Variants in UFL1 observed in about 807,000 individuals in gnomAD.
The protein encoded by UFL1 is E3 UFM1-protein ligase 1.
UFL1 carries 78 observed loss-of-function variants against 99.3 expected under a neutral mutation model. The ratio of observed to expected loss-of-function variants is 0.79; its 90% CI spans 0.65 to 0.95. The LOEUF is 0.95. Among genes scored for constraint, UFL1 ranks in the 40% least tolerant of loss-of-function variants. UFL1 has a pLI of 0.00. For synonymous variants in UFL1, 335 were observed against 322.2 expected (o/e 1.04, Z -0.42); for missense variants, 936 against 937.0 (o/e 1.00, Z 0.01).
At chr6:96,523,441 T>C in intron 2 of UFL1, 150 bp downstream of exon 2, 2 of 840,244 alleles carry the variant, frequency 2.4e-6, no homozygotes, top group Non-Finnish European at 3.5e-6. Flanking sequence ...GCTTAATATT[T>C]TTACTGGGTT....
intron 1 of UFL1, 82 bp from the exon 2 acceptor site, chr6:96,523,064 C>T: frequency 7.3e-7 from 1 of 1,360,664 alleles, no homozygotes; most frequent in Non-Finnish European, 9.8e-7. Context: ...TTTTAAAAGC[C>T]TGTTTTCATA....
chr6:96,529,898 T>C (rs1769757204), intron 6 of UFL1, among the ~76,000 whole-genome samples: 1 of 152,160 alleles, frequency 6.6e-6, no homozygotes, highest in African/African-American at 2.4e-5. Context: ...ACTTTTTTTT[T>C]CTGAACAATT....
At position 96,552,565 on chromosome 6, in the gene UFL1, C is replaced by A; in HGVS notation, c.2069C>A (p.Ser690Ter). 6.2e-7 allele frequency: 1 copy of A among 1,613,236 alleles called. No homozygotes were observed. The change falls in exon 18 of 19, where the codon TCA becomes TAA. Residue 690 changes from serine to a stop codon, truncating the protein, a stop_gained. Coordinates refer to ENST00000369278, the MANE Select transcript of UFL1 (RefSeq NM_015323.5). LOFTEE classifies it high-confidence loss of function. Reference sequence around the variant, plus strand: ...CCTGCTCTTATTCTGCACCTCACATCAGTCCTGTTGTTTCAGTTTTCAACC... The same window carrying A: ...CCTGCTCTTATTCTGCACCTCACATAAGTCCTGTTGTTTCAGTTTTCAACC... ...EDPALILHLT[S>*]VLLFQFSTHS...
chr6:96,541,079 G>T (rs1312311592), intron 11 of UFL1, among the ~76,000 whole-genome samples: 1 of 151,350 alleles, frequency 6.6e-6, no homozygotes, highest in African/African-American at 2.4e-5. Flanking sequence ...TTCATTCAGA[G>T]CTCGACTTTA....
At position 96,525,313 on chromosome 6, in the gene UFL1, T is replaced by G. The variant is rs549879639; in HGVS notation, c.269T>G (p.Leu90Arg). ...VDLQQVINVD[L>R]IHIENRIGDI... ...GTTTTCCAGGTAATTAATGTGGACC[T>G]GATTCATATTGAAAATAGAATTGGT... Residue 90 changes from leucine to arginine, a missense_variant, in exon 4 of 19, where the codon CTG becomes CGG. Coordinates refer to ENST00000369278, the MANE Select transcript of UFL1 (RefSeq NM_015323.5). 4 of 1,606,052 alleles carry G rather than the reference T, an allele frequency of 2.5e-6. No individual in the cohort carries two copies. The East Asian group carries it at 9.0e-5, about 36-fold the overall frequency.
chr6:96,548,959 AT>A lies in UFL1; in HGVS notation c.1521-451del, dbSNP rs556537366. Among the ~76,000 whole-genome samples, 55 of 151,790 alleles carry A rather than the reference AT, an allele frequency of 3.6e-4. No individual in the cohort carries two copies. The South Asian group carries it at 0.011, about 31-fold the overall frequency. ...TTTTTGTGCATAAATGTATTACAGA[AT>A]TATAGTTTTCACATGTAAAAAAATG... On this transcript the variant is annotated intron_variant, in intron 13 of 18. Coordinates refer to ENST00000369278, the MANE Select transcript of UFL1 (RefSeq NM_015323.5).
chr6:96,541,104 A>G (rs1276101479), intron 11 of UFL1, among the ~76,000 whole-genome samples: 1 of 151,422 alleles, frequency 6.6e-6, no homozygotes, highest in African/African-American at 2.4e-5. Flanking sequence ...CCACTTCCTT[A>G]GAGAGGCCTC....
Position 96,549,436 on chromosome 6 carries a change from G to A in UFL1, c.1545G>A (p.Glu515=), listed in dbSNP as rs1230662371. 1 of 1,596,570 alleles carries A rather than the reference G, an allele frequency of 6.3e-7. No individual in the cohort carries two copies. Among genetic ancestry groups the A allele is most frequent in the Non-Finnish European group, 8.5e-7 (1 of 1,175,192 alleles). Residue 515 remains glutamate (E), a synonymous_variant, in exon 14 of 19, where the codon GAG becomes GAA. Transcript: ENST00000369278. ...GACCTCTTAATAAAACTTATCTCGAGGTGGTACGTTCAGTATTCATGTCTT... is the reference window on the plus strand; with the variant it reads ...GACCTCTTAATAAAACTTATCTCGAAGTGGTACGTTCAGTATTCATGTCTT... ...LIKPLNKTYL[E]VVRSVFMSST...
Position 96,548,190 on chromosome 6 carries a change from A to G in UFL1, c.1429A>G (p.Met477Val). The G allele has an allele frequency of 1.9e-6, 3 of 1,602,050 alleles. No individual in the cohort carries two copies. Among genetic ancestry groups the G allele is most frequent in the Non-Finnish European group, 2.6e-6 (3 of 1,173,710 alleles). ...AAAGAAGAAGCCAGAGATCAGTTTT[A>G]TGTTCCAGGATGAGATTGAAGATTT... is the stretch of plus-strand genomic sequence containing the variant. Reference protein sequence around the residue: ...TGKKKPEISFMFQDEIEDFLR... With the variant: ...TGKKKPEISFVFQDEIEDFLR... Residue 477 changes from methionine to valine, a missense_variant, in exon 13 of 19, where the codon ATG becomes GTG. By Grantham distance (21) the Met-to-Val change is conservative. Coordinates refer to ENST00000369278, the MANE Select transcript of UFL1 (RefSeq NM_015323.5).
At chr6:96,544,929 G>GA (rs987944439) in intron 12 of UFL1, among the ~76,000 whole-genome samples, 37 of 150,738 alleles carry the variant, frequency 2.5e-4, no homozygotes, top group African/African-American at 8.7e-4. Flanking sequence ...CAATGCTTTT[G>GA]AAAAAAAATT....
intron 12 of UFL1, 93 bp downstream of exon 12, chr6:96,543,109 C>T (rs1419540448): frequency 4.2e-6 from 6 of 1,412,808 alleles, no homozygotes; most frequent in African/African-American, 3.0e-5. Context: ...TATGCTAATA[C>T]AGGAAGTCCT....
At chr6:96,547,073 A>G (rs560469503) in intron 12 of UFL1, among the ~76,000 whole-genome samples, 1 of 151,814 alleles carries the variant, frequency 6.6e-6, no homozygotes, top group East Asian at 1.9e-4. Context: ...ATGGGAGAAA[A>G]TATATGCGAA....
At position 96,542,947 on chromosome 6, in the gene UFL1, A is replaced by T; in HGVS notation, c.1333A>T (p.Ile445Phe). 1 of 1,603,494 alleles carries T rather than the reference A, an allele frequency of 6.2e-7. No individual in the cohort carries two copies. Among genetic ancestry groups the T allele is most frequent in the Non-Finnish European group, 8.5e-7 (1 of 1,174,088 alleles). ...TGGGGGCAATGCCAGAGAGTACAAA[A>T]TTAAAAAAGTCAAGAAGAAAGGAAG... ...GGGGNAREYK[I>F]KKVKKKGRKD... The change falls in exon 12 of 19, where the codon ATT (isoleucine) becomes TTT (phenylalanine). Residue 445 changes from isoleucine (I) to phenylalanine (F), a missense_variant. Coordinates refer to ENST00000369278, the MANE Select transcript of UFL1 (RefSeq NM_015323.5).
chr6:96,546,217 A>C (rs1769995511), intron 12 of UFL1, among the ~76,000 whole-genome samples: 2 of 151,082 alleles, frequency 1.3e-5, no homozygotes, highest in African/African-American at 2.4e-5. Flanking sequence ...ATTTCTATAC[A>C]TCAGTGTCTT....
At chr6:96,523,054 T>C in intron 1 of UFL1, 92 bp from the exon 2 acceptor site, 1 of 1,337,702 alleles carries the variant, frequency 7.5e-7, no homozygotes, top group Non-Finnish European at 1.0e-6. Context: ...TAAACAAACT[T>C]TTTAAAAGCC....
In UFL1 at chr6:96,537,522, C is replaced by T. The variant is rs771046636; in HGVS notation, c.951C>T (p.Ile317=). The T allele has an allele frequency of 6.2e-7, 1 of 1,604,114 alleles. No homozygotes were observed. The highest frequency in any genetic ancestry group is 1.1e-5 in the South Asian group (1 of 89,528). ...TGGAAGCATCAGTAGAAGAAGCCAT[C>T]AGCTCTGGAACATGGGTTGATATTG... ...DQVEASVEEA[I]SSGTWVDIAP... Residue 317 remains isoleucine, a synonymous_variant, in exon 9 of 19, where the codon ATC becomes ATT. Coordinates refer to ENST00000369278, the MANE Select transcript of UFL1 (RefSeq NM_015323.5).
At position 96,536,265 on chromosome 6, in the gene UFL1, A is replaced by G; in HGVS notation, c.677A>G (p.Asn226Ser). 1 of 1,609,688 alleles carries G rather than the reference A, an allele frequency of 6.2e-7. No homozygotes were observed. Among genetic ancestry groups the G allele is most frequent in the East Asian group, 2.2e-5 (1 of 44,814 alleles). ...TAAGCTGTGCTTGAGGAACTTGTTA[A>G]TAGCGGACGCTTACGAGGCACTGTG... ...LLYSVLEELV[N>S]SGRLRGTVVG... The change falls in exon 8 of 19, where the codon AAT (asparagine) becomes AGT (serine). Residue 226 changes from asparagine to serine, a missense_variant. Transcript: ENST00000369278.
At chr6:96,524,849 C>T (rs1379017055) in intron 3 of UFL1, among the ~76,000 whole-genome samples, 6 of 152,014 alleles carry the variant, frequency 3.9e-5, no homozygotes, top group African/African-American at 1.4e-4. Context: ...TATGTCATTA[C>T]CAAGGTACAC....
intron 18 of UFL1, 91 bp from the exon 19 acceptor site, chr6:96,553,194 C>T (rs1388821110): frequency 8.3e-6 from 10 of 1,208,488 alleles, no homozygotes; most frequent in Non-Finnish European, 1.2e-5. Flanking sequence ...AAGATGAGGA[C>T]CTTCAATGTG....
Sources: gnomAD v4.1 joint callset for allele counts (sites outside exome capture counted in the v4.1 genomes callset) on GRCh38, gnomAD v4.1.1 for gene constraint, MANE v1.5 for transcripts, NCBI Gene and HGNC (gene_info 2026-07-23, HGNC 2026-07-21) for gene names.